FBLN7: variants seen among roughly 807,000 people sequenced by gnomAD.
FBLN7 encodes the protein fibulin-7.
FBLN7 carries 31 observed loss-of-function variants against 44.0 expected under a neutral mutation model. The observed-to-expected ratio is 0.70, with a 90% CI of 0.53 to 0.95. The LOEUF (loss-of-function observed/expected upper bound fraction) is 0.95. Among genes scored for constraint, FBLN7 ranks in the 40% least tolerant of loss-of-function variants. The pLI is 0.00. For missense variants in FBLN7, 573 were observed against 618.5 expected, an observed-to-expected ratio of 0.93 and a Z score of 0.78; for synonymous variants, 262 against 253.4, an observed-to-expected ratio of 1.03 and a Z score of -0.32.
Position 112,175,841 on chromosome 2 carries a change from T to C in FBLN7, c.532+2T>C, listed in dbSNP as rs1682714801. ...GCTGTCAGCATCAGGCCCAGACTGG[T>C]ATGTAGCCACCATGGGGTTAGGTGA... On this transcript the variant is annotated splice_donor_variant, in intron 4 of 7. Transcript: ENST00000331203. LOFTEE classifies it high-confidence loss of function. 1.9e-6 allele frequency: 3 copies of C among 1,613,820 alleles called. No individual in the cohort carries two copies. The highest frequency in any genetic ancestry group is 2.5e-6 in the Non-Finnish European group (3 of 1,179,834).
In FBLN7 at chr2:112,159,783, G is replaced by A; in HGVS notation, c.183G>A (p.Arg61=). The A allele has an allele frequency of 6.3e-7, 1 of 1,596,606 alleles. No homozygotes were observed. Among genetic ancestry groups the A allele is most frequent in the Non-Finnish European group, 8.5e-7 (1 of 1,172,320 alleles). The change falls in exon 2 of 8, where the codon CGG becomes CGA. Residue 61 remains arginine, a synonymous_variant. Coordinates refer to ENST00000331203, the MANE Select transcript of FBLN7 (RefSeq NM_153214.3). The part of the protein sequence containing the change: ...FAEGIRHMKS[R]LAALQNSVGR... ...AGGGCATCCGCCACATGAAGAGCCGGCTGGCCGCGCTGCAGAACTCTGTGG... is the reference window on the plus strand; with the variant it reads ...AGGGCATCCGCCACATGAAGAGCCGACTGGCCGCGCTGCAGAACTCTGTGG...
chr2:112,197,274 C>CACACACACAGAGAGAG, the FBLN7 span, among the ~76,000 whole-genome samples: 21 of 98,594 alleles, frequency 2.1e-4, no homozygotes, highest in Non-Finnish European at 4.0e-4. Flanking sequence ...CACACACACA[C>CACACACACAGAGAGAG]AGAGAGAGAG....
the FBLN7 span, among the ~76,000 whole-genome samples, chr2:112,194,002 G>A: frequency 6.6e-6 from 1 of 152,176 alleles, no homozygotes; most frequent in Admixed American, 6.5e-5. Context: ...AATTATCATG[G>A]ATTCGGTGGG....
At chr2:112,243,094 A>AATG in the FBLN7 span, among the ~76,000 whole-genome samples, 6 of 152,334 alleles carry the variant, frequency 3.9e-5, no homozygotes, top group African/African-American at 1.4e-4. Flanking sequence ...CTTGGCTTTT[A>AATG]ATGAGTTCAC....
At chr2:112,149,022 C>T (rs7593053) in intron 1 of FBLN7, among the ~76,000 whole-genome samples, 67,712 of 152,012 alleles carry the variant, frequency 0.45, 15,335 homozygotes, top group Middle Eastern at 0.64. Flanking sequence ...ATCATAGTGA[C>T]GCAAAGACTT....
intron 3 of FBLN7, among the ~76,000 whole-genome samples, chr2:112,173,286 T>TA (rs1234531673): frequency 2.0e-5 from 3 of 151,828 alleles, no homozygotes; most frequent in Non-Finnish European, 4.4e-5. Context: ...GAGGATATTA[T>TA]AAAAAAAGAG....
chr2:112,190,888 TTA>T, downstream of FBLN7, among the ~76,000 whole-genome samples: 1 of 152,270 alleles, frequency 6.6e-6, no homozygotes, highest in Non-Finnish European at 1.5e-5. Flanking sequence ...GAAATATGTA[TTA>T]TTAGTATTTT....
At chr2:112,180,545 A>G (rs545178020) in intron 4 of FBLN7, among the ~76,000 whole-genome samples, 2 of 152,204 alleles carry the variant, frequency 1.3e-5, no homozygotes, top group Non-Finnish European at 2.9e-5. Flanking sequence ...ATGCACTCGA[A>G]TATTTGTTGC....
intron 1 of FBLN7, among the ~76,000 whole-genome samples, chr2:112,148,967 G>A (rs1224836716): frequency 1.3e-5 from 2 of 152,184 alleles, no homozygotes; most frequent in African/African-American, 4.8e-5. Flanking sequence ...TGCATATGGC[G>A]TTGGCACAGG....
intron 7 of FBLN7, among the ~76,000 whole-genome samples, chr2:112,186,469 G>A (rs755179419): frequency 7.2e-5 from 11 of 152,036 alleles, no homozygotes; most frequent in African/African-American, 1.4e-4. Context: ...GTGAAACCCC[G>A]TCTCTACTAA....
chr2:112,192,807 CTAAG>C (rs907945297), downstream of FBLN7, among the ~76,000 whole-genome samples: 1 of 152,182 alleles, frequency 6.6e-6, no homozygotes, highest in African/African-American at 2.4e-5. Flanking sequence ...ATGAAAATCT[CTAAG>C]TGTTTATGAG....
intron 3 of FBLN7, among the ~76,000 whole-genome samples, chr2:112,166,500 G>T (rs1190062771): frequency 6.6e-6 from 1 of 152,174 alleles, no homozygotes; most frequent in Non-Finnish European, 1.5e-5. Flanking sequence ...CTGACCCCTG[G>T]AAAGAGTGAT....
chr2:112,171,866 C>A (rs2104585575), intron 3 of FBLN7, among the ~76,000 whole-genome samples: 1 of 152,292 alleles, frequency 6.6e-6, no homozygotes, highest in African/African-American at 2.4e-5. Flanking sequence ...CCTGCCTCAG[C>A]CTCCCGAGTA....
chr2:112,170,566 G>A (rs1682408184), intron 3 of FBLN7, among the ~76,000 whole-genome samples: 1 of 151,556 alleles, frequency 6.6e-6, no homozygotes, highest in African/African-American at 2.4e-5. Context: ...AAAGGAAGGA[G>A]AATGAGCAAA....
intron 1 of FBLN7, among the ~76,000 whole-genome samples, chr2:112,159,166 T>C (rs1407555258): frequency 1.3e-5 from 2 of 151,712 alleles, no homozygotes; most frequent in Non-Finnish European, 2.9e-5. Context: ...TTGACTTTTA[T>C]TGAATGCCTC....
At chr2:112,181,947 C>A in intron 5 of FBLN7, 71 bp downstream of exon 5, 2 of 1,472,474 alleles carry the variant, frequency 1.4e-6, no homozygotes, top group East Asian at 5.4e-5. Flanking sequence ...GGGCTCTCAC[C>A]CACCGCCCTC....
intron 3 of FBLN7, 100 bp downstream of exon 3, chr2:112,165,271 G>T: frequency 7.1e-7 from 1 of 1,417,370 alleles, no homozygotes; most frequent in Non-Finnish European, 9.5e-7. Context: ...TTTCTGCTTG[G>T]TTCTTTAATC....
rs116174818 is a variant in FBLN7, at chr2:112,143,232, C to G, written c.75+4502C>G. Among the ~76,000 whole-genome samples, 639 of 152,298 alleles carry G rather than the reference C, an allele frequency of 4.2e-3. 4 individuals are homozygous for G. Among genetic ancestry groups the G allele is most frequent in the African/African-American group, 0.015 (616 of 41,558 alleles). On this transcript the variant is annotated intron_variant, in intron 1 of 7. Transcript: ENST00000331203. ...GCAGGAGCCCTTTCTGGACACTGTG[C>G]CCACCCTGTGGCCTTCCCACTGGAA...
intron 2 of FBLN7, among the ~76,000 whole-genome samples, chr2:112,160,817 CACACAA>C (rs1558880581): frequency 6.7e-5 from 10 of 148,690 alleles, no homozygotes; most frequent in African/African-American, 2.5e-4. Flanking sequence ...CACACACGCA[CACACAA>C]GCACGCATAC....
Sources: gnomAD v4.1 joint callset for allele counts (sites outside exome capture counted in the v4.1 genomes callset) on GRCh38, gnomAD v4.1.1 for gene constraint, MANE v1.5 for transcripts, NCBI Gene and HGNC (gene_info 2026-07-23, HGNC 2026-07-21) for gene names.